RTCA: variants seen among roughly 807,000 people sequenced by gnomAD.
The protein encoded by RTCA is RNA terminal phosphate cyclase domain 1.
A neutral mutation model predicts 46.1 loss-of-function variants in RTCA; 37 were observed. The ratio of observed to expected loss-of-function variants is 0.80; its 90% CI spans 0.62 to 1.06. The LOEUF (loss-of-function observed/expected upper bound fraction) is 1.06. Among genes scored for constraint, RTCA ranks in the 50% least tolerant of loss-of-function variants. The pLI is 0.00. For synonymous variants in RTCA, 164 were observed against 158.3 expected (o/e 1.04, Z -0.27); for missense variants, 435 against 455.5 (o/e 0.95, Z 0.41).
At chr1:100,271,638 T>C (rs1557973811) in intron 4 of RTCA, among the ~76,000 whole-genome samples, 2 of 152,194 alleles carry the variant, frequency 1.3e-5, no homozygotes, top group African/African-American at 2.4e-5. Flanking sequence ...ACTGGCATGC[T>C]CATATAACTA....
intron 4 of RTCA, 41 bp downstream of exon 4, chr1:100,270,721 C>G (rs746388166): frequency 3.1e-6 from 5 of 1,603,234 alleles, no homozygotes; most frequent in Admixed American, 1.7e-5. Context: ...TGATCTCATA[C>G]ATGCTTCTGA....
Position 100,273,384 on chromosome 1 carries a change from AT to A in RTCA, c.415-4del. On this transcript the variant is annotated splice_polypyrimidine_tract_variant and intron_variant, in intron 4 of 10. Coordinates refer to ENST00000370128, the MANE Select transcript of RTCA (RefSeq NM_003729.4). Reference sequence around the variant, plus strand: ...CTGATTAACCTAATGATAAAAACTGATTTTTTCAGGTCTTCAAGCCAATTGT... The same window carrying A: ...CTGATTAACCTAATGATAAAAACTGATTTTTCAGGTCTTCAAGCCAATTGT... 1 of 1,554,930 alleles carries A rather than the reference AT, an allele frequency of 6.4e-7. No individual in the cohort carries two copies. The highest frequency in any genetic ancestry group is 8.8e-7 in the Non-Finnish European group (1 of 1,139,882).
At chr1:100,290,406 T>A (rs1357262260) in intron 10 of RTCA, among the ~76,000 whole-genome samples, 2 of 152,174 alleles carry the variant, frequency 1.3e-5, no homozygotes, top group Non-Finnish European at 2.9e-5. Context: ...ACCTGGCTAG[T>A]TGTTTTGATT....
chr1:100,273,084 C>G (rs1195619844), intron 4 of RTCA, among the ~76,000 whole-genome samples: 1 of 152,152 alleles, frequency 6.6e-6, no homozygotes. Context: ...CTTAAATGTA[C>G]TATATTGAGA....
intron 3 of RTCA, among the ~76,000 whole-genome samples, chr1:100,269,254 T>C (rs564369188): frequency 6.6e-6 from 1 of 152,138 alleles, no homozygotes; most frequent in African/African-American, 2.4e-5. Flanking sequence ...TCATGTTACA[T>C]AACTATTTCT....
chr1:100,268,164 A>C lies in RTCA; in HGVS notation c.159A>C (p.Leu53Phe), dbSNP rs1163231720. ...RSTPGLRPQH[L>F]SGLEMIRDLC... ...TTATGACCTGAAGGCCTCAACATTT[A>C]TCTGGACTGGAAATGATTCGAGATT... The change falls in exon 3 of 11, where the codon TTA becomes TTC. Residue 53 changes from leucine (L) to phenylalanine (F), a missense_variant. Physicochemically the swap from Leu to Phe is conservative, Grantham distance 22. Transcript: ENST00000370128. 1.9e-6 allele frequency: 3 copies of C among 1,614,034 alleles called. No individual in the cohort carries two copies. In the African/African-American group the frequency reaches 4.0e-5, roughly 22 times the overall value.
In RTCA at chr1:100,266,295, C is replaced by T. The variant is rs1016104456; in HGVS notation, c.-81C>T. On this transcript the variant is annotated 5_prime_UTR_variant, in exon 1 of 11. Coordinates refer to ENST00000370128, the MANE Select transcript of RTCA (RefSeq NM_003729.4). ...GGCATGAACCAAGGTTTCTGAACTA[C>T]TGGGCGGGAGCCAACGTCTCTTCTT... is the stretch of plus-strand genomic sequence containing the variant. The T allele has an allele frequency of 7.1e-6, 11 of 1,558,010 alleles. No individual in the cohort carries two copies. The African/African-American group carries it at 1.5e-4, about 22-fold the overall frequency.
At chr1:100,275,481 G>A (rs1055384560) in intron 6 of RTCA, 118 bp from the exon 7 acceptor site, 9 of 664,818 alleles carry the variant, frequency 1.4e-5, no homozygotes, top group African/African-American at 1.9e-5. Flanking sequence ...TGAAAATCAA[G>A]TTATTAAATA....
intron 8 of RTCA, among the ~76,000 whole-genome samples, chr1:100,277,801 T>TG (rs1666476700): frequency 2.7e-5 from 4 of 150,824 alleles, no homozygotes; most frequent in South Asian, 2.1e-4. Context: ...ATTTTTTTTT[T>TG]TGGGGGGGGG....
intron 3 of RTCA, among the ~76,000 whole-genome samples, chr1:100,269,429 C>G (rs976769253): frequency 1.4e-5 from 2 of 148,096 alleles, no homozygotes; most frequent in African/African-American, 2.5e-5. Context: ...TCACTGTAGC[C>G]TTGACCTCTT....
chr1:100,270,497 A>G, intron 3 of RTCA, 60 bp from the exon 4 acceptor site: 1 of 1,591,858 alleles, frequency 6.3e-7, no homozygotes, highest in South Asian at 1.1e-5. Context: ...CTTATTTAAG[A>G]GTTTGAAAAG....
intron 7 of RTCA, 85 bp downstream of exon 7, chr1:100,275,808 T>G: frequency 8.3e-7 from 1 of 1,203,058 alleles, no homozygotes; most frequent in Non-Finnish European, 1.2e-6. Context: ...GGTTTCTTGC[T>G]TAAGTTTATA....
In RTCA at chr1:100,273,374, A is replaced by G. The variant is rs763057099; in HGVS notation, c.415-20A>G. 9.2e-6 allele frequency: 14 copies of G among 1,521,400 alleles called. No individual in the cohort carries two copies. The highest frequency in any genetic ancestry group is 1.3e-5 in the Non-Finnish European group (14 of 1,111,908). 94.2% of individuals were successfully genotyped at this position (1,521,400 alleles called of 1,614,324 possible). ...GTGAATATTGCTGATTAACCTAATG[A>G]TAAAAACTGATTTTTTCAGGTCTTC... On this transcript the variant is annotated intron_variant, in intron 4 of 10. Coordinates refer to ENST00000370128, the MANE Select transcript of RTCA (RefSeq NM_003729.4).
intron 9 of RTCA, among the ~76,000 whole-genome samples, chr1:100,286,310 C>T (rs181064564): frequency 8.6e-5 from 13 of 151,888 alleles, no homozygotes; most frequent in South Asian, 2.1e-4. Flanking sequence ...AAAAATTAGC[C>T]GGGCGTGGTG....
Position 100,291,434 on chromosome 1 carries a change from A to G in RTCA, c.1031A>G (p.Glu344Gly), listed in dbSNP as rs201692547. 161 of 1,612,230 alleles carry G rather than the reference A, an allele frequency of 1.0e-4. 1 individual carries two copies. The East Asian group carries it at 2.8e-3, about 28-fold the overall frequency. The change falls in exon 11 of 11, where the codon GAA (glutamate) becomes GGA (glycine). Residue 344 changes from glutamate to glycine, a missense_variant. Transcript: ENST00000370128. ...AKFIVKKSED[E>G]EDAAKDTYII... ...TTTATTGTGAAGAAATCAGAAGATG[A>G]AGAAGACGCCGCTAAAGATACTTAT...
At chr1:100,266,686 G>C (rs538625560) in intron 2 of RTCA, 62 bp downstream of exon 2, 5 of 1,410,598 alleles carry the variant, frequency 3.5e-6, no homozygotes, top group Non-Finnish European at 4.9e-6. Flanking sequence ...TCGGGCTGCC[G>C]GGCTGGGGCA....
intron 7 of RTCA, among the ~76,000 whole-genome samples, chr1:100,277,005 G>A (rs993830427): frequency 1.3e-5 from 2 of 152,166 alleles, no homozygotes; most frequent in African/African-American, 4.8e-5. Context: ...TTGTTGGGGG[G>A]CATGGTAGAC....
intron 2 of RTCA, chr1:100,267,643 A>T: frequency 1.1e-5 from 12 of 1,082,134 alleles, no homozygotes; most frequent in Non-Finnish European, 1.4e-5. Flanking sequence ...GCGTCTCTGT[A>T]TGTTCTAGTT....
At position 100,274,254 on chromosome 1, in the gene RTCA, G is replaced by A. The variant is rs935340291; in HGVS notation, c.474-570G>A. On this transcript the variant is annotated intron_variant, in intron 5 of 10. Transcript: ENST00000370128. ...CCCTACCAGATGGTGAGCTCTTTGAGGGGAGGAGTACTGTCTTCTCACCGT... is the reference window on the plus strand; with the variant it reads ...CCCTACCAGATGGTGAGCTCTTTGAAGGGAGGAGTACTGTCTTCTCACCGT... Among the ~76,000 whole-genome samples the A allele has an allele frequency of 2.6e-4, 40 of 152,156 alleles. 1 individual carries two copies. Among genetic ancestry groups the A allele is most frequent in the Admixed American group, 1.8e-3 (27 of 15,278 alleles).
Sources: allele counts gnomAD v4.1 joint callset (sites outside exome capture counted in the v4.1 genomes callset), GRCh38; gene constraint gnomAD v4.1.1; transcripts MANE v1.5; gene names NCBI Gene and HGNC (gene_info 2026-07-23, HGNC 2026-07-21).